Variants in PKIG observed in about 807,000 individuals in gnomAD.
PKIG encodes the protein cAMP-dependent protein kinase inhibitor gamma, also known as protein kinase (cAMP-dependent, catalytic) inhibitor gamma.
Under a neutral mutation model 6.8 loss-of-function variants are expected in PKIG, and 1 was observed. The ratio of observed to expected loss-of-function variants is 0.15; its 90% CI spans 0.05 to 0.69. The LOEUF (loss-of-function observed/expected upper bound fraction) is 0.69. Ranked by LOEUF, PKIG falls within the 30% of genes least tolerant of loss-of-function variation. The pLI is 0.82. For synonymous variants in PKIG, 39 were observed against 43.0 expected, an observed-to-expected ratio of 0.91 and a Z score of 0.36; for missense variants, 77 against 104.0, an observed-to-expected ratio of 0.74 and a Z score of 1.13.
chr20:44,585,989 G>A (rs2064987302), intron 1 of PKIG, among the ~76,000 whole-genome samples: 1 of 152,160 alleles, frequency 6.6e-6, no homozygotes. Flanking sequence ...ATTGGAAAGA[G>A]ATAGCAGGTG....
At position 44,534,225 on chromosome 20, in the gene PKIG, T is replaced by C. The variant is rs2064492918; in HGVS notation, c.-241+2247T>C. ...CACAGGATATGAAAGGGAGAATTGA[T>C]AGTATAACTTTCCTGAGAAGGTGGG... On this transcript the variant is annotated intron_variant, in intron 1 of 4. Transcript: ENST00000372887. Among the ~76,000 whole-genome samples the C allele has an allele frequency of 2.0e-5, 3 of 152,228 alleles. No homozygotes were observed. The South Asian group carries it at 6.2e-4, about 32-fold the overall frequency.
At chr20:44,567,358 G>A (rs74686379) in intron 1 of PKIG, among the ~76,000 whole-genome samples, 2,877 of 152,276 alleles carry the variant, frequency 0.019, 89 homozygotes, top group African/African-American at 0.066. Context: ...CTTGAAGGAG[G>A]GCTCTCCTGG....
At chr20:44,559,880 T>C (rs1169768167) in intron 1 of PKIG, among the ~76,000 whole-genome samples, 3 of 152,132 alleles carry the variant, frequency 2.0e-5, no homozygotes, top group Non-Finnish European at 2.9e-5. Context: ...TCAAGAAGAC[T>C]GTGCTGGATC....
chr20:44,559,176 TC>T (rs1250946133), intron 1 of PKIG, among the ~76,000 whole-genome samples: 4 of 152,188 alleles, frequency 2.6e-5, no homozygotes, highest in African/African-American at 9.7e-5. Context: ...TTCTCCCCTT[TC>T]CCCTAAATCT....
In PKIG at chr20:44,556,191, C is replaced by T. The variant is rs146370061; in HGVS notation, c.-241+24213C>T. On this transcript the variant is annotated intron_variant, in intron 1 of 4. Transcript: ENST00000372887. ...GCTTTATTACTCTGAACAACTACAT[C>T]ATTTATTACCTAAAATAATCTTTTT... 9.6e-3 allele frequency among the ~76,000 whole-genome samples: 1,461 copies of T among 152,256 alleles called. 20 individuals are homozygous for T. The highest frequency in any genetic ancestry group is 0.034 in the African/African-American group (1,400 of 41,554).
chr20:44,592,197 A>T (rs1304047996), intron 2 of PKIG, among the ~76,000 whole-genome samples: 1 of 152,196 alleles, frequency 6.6e-6, no homozygotes, highest in African/African-American at 2.4e-5. Context: ...CGAGACTCAA[A>T]GAGGTGGAAC....
At chr20:44,580,330 G>A (rs941454990), upstream of PKIG, among the ~76,000 whole-genome samples, 10 of 151,004 alleles carry the variant, frequency 6.6e-5, no homozygotes, top group Non-Finnish European at 1.5e-4. Flanking sequence ...GTGTTTTTTT[G>A]TTTTGTTTTG....
chr20:44,534,737 A>G (rs1011766204), intron 1 of PKIG, among the ~76,000 whole-genome samples: 3 of 152,148 alleles, frequency 2.0e-5, no homozygotes, highest in African/African-American at 7.2e-5. Context: ...CCAAGATGCT[A>G]GGATTACAGG....
At chr20:44,604,892 G>A (rs2065150637) in intron 2 of PKIG, among the ~76,000 whole-genome samples, 1 of 151,992 alleles carries the variant, frequency 6.6e-6, no homozygotes, top group South Asian at 2.1e-4. Flanking sequence ...CTACATTCAG[G>A]TACCAGATAT....
At position 44,600,613 on chromosome 20, in the gene PKIG, A is replaced by G. The variant is rs541044956; in HGVS notation, c.-24+10747A>G. ...GTAATCCCAGCTCTTTGGGAGGCCAAGGTGGGAGGATTGCTTGAGGCCAGG... is the reference window on the plus strand; with the variant it reads ...GTAATCCCAGCTCTTTGGGAGGCCAGGGTGGGAGGATTGCTTGAGGCCAGG... On this transcript the variant is annotated intron_variant, in intron 2 of 3. Transcript: ENST00000372886. Among the ~76,000 whole-genome samples, 4 of 152,164 alleles carry G rather than the reference A, an allele frequency of 2.6e-5. 1 individual carries two copies. The South Asian group carries it at 8.3e-4, about 32-fold the overall frequency.
At chr20:44,594,454 A>G (rs564945050) in intron 2 of PKIG, among the ~76,000 whole-genome samples, 1 of 152,330 alleles carries the variant, frequency 6.6e-6, no homozygotes, top group East Asian at 1.9e-4. Flanking sequence ...TCAGGTTCCT[A>G]GGAGGAAAGG....
chr20:44,550,072 G>A (rs1336399725), intron 1 of PKIG, among the ~76,000 whole-genome samples: 2 of 149,794 alleles, frequency 1.3e-5, no homozygotes, highest in Non-Finnish European at 3.0e-5. Flanking sequence ...AGTTTTTTAT[G>A]TATTGAATCT....
In PKIG at chr20:44,552,064, G is replaced by A. The variant is rs972473725; in HGVS notation, c.-241+20086G>A. Among the ~76,000 whole-genome samples the A allele has an allele frequency of 1.4e-4, 21 of 152,324 alleles. No homozygotes were observed. The Middle Eastern group carries it at 0.014, about 99-fold the overall frequency. ...TCAGGGCCAACACAATGTAGAATCT[G>A]TTTCTTCTAGCTTTATTTCTCCCTG... On this transcript the variant is annotated intron_variant, in intron 1 of 4. Coordinates refer to the PKIG transcript ENST00000372887.
At chr20:44,596,541 G>A (rs753890674) in intron 2 of PKIG, among the ~76,000 whole-genome samples, 1 of 152,192 alleles carries the variant, frequency 6.6e-6, no homozygotes, top group Non-Finnish European at 1.5e-5. Context: ...AGTAGTGATG[G>A]TCCCTGGCTT....
intron 2 of PKIG, among the ~76,000 whole-genome samples, chr20:44,610,428 C>CT (rs954351304): frequency 7.2e-5 from 11 of 151,756 alleles, no homozygotes; most frequent in Admixed American, 1.3e-4. Context: ...GTGGGCCTTG[C>CT]CCTCCATACT....
At chr20:44,576,001 C>G (rs1407008117) in intron 1 of PKIG, among the ~76,000 whole-genome samples, 7 of 152,194 alleles carry the variant, frequency 4.6e-5, no homozygotes, top group Non-Finnish European at 1.0e-4. Flanking sequence ...TGTCATACCT[C>G]TCTGAACTTT....
At position 44,565,924 on chromosome 20, in the gene PKIG, G is replaced by A. The variant is rs1479832048; in HGVS notation, c.-240-16661G>A. 3.3e-5 allele frequency among the ~76,000 whole-genome samples: 5 copies of A among 152,106 alleles called. No homozygotes were observed. The South Asian group carries it at 1.0e-3, about 32-fold the overall frequency. ...ATTATAGGCACCCGCCTTCATGCTC[G>A]GCTAATTTTTGTATTTTTGTAGAGA... is the stretch of plus-strand genomic sequence containing the variant. On this transcript the variant is annotated intron_variant, in intron 1 of 4. Coordinates refer to the PKIG transcript ENST00000372887.
At position 44,614,323 on chromosome 20, in the gene PKIG, T is replaced by G. The variant is rs1257158559; in HGVS notation, c.-23-211T>G. The stretch of plus-strand genomic sequence containing the variant: ...TTATTTAAAGAAAAGTCTGAGCCCA[T>G]GTTCTTTAAAATGTTGATGGTGGTT... On this transcript the variant is annotated intron_variant, in intron 2 of 3. Coordinates refer to ENST00000372886, the MANE Select transcript of PKIG (RefSeq NM_001281445.2). The surrounding 1 kb of genome is among the most constrained non-coding windows in gnomAD (Gnocchi z 4.6). 10 of 477,786 alleles carry G rather than the reference T, an allele frequency of 2.1e-5. No homozygotes were observed. The highest frequency in any genetic ancestry group is 2.9e-5 in the South Asian group (1 of 34,390). The allele number at this position is 477,786 out of a possible 1,614,324, so 29.6% of individuals were successfully genotyped here.
intron 1 of PKIG, among the ~76,000 whole-genome samples, chr20:44,589,337 T>TA (rs1413881287): frequency 1.3e-5 from 2 of 152,116 alleles, no homozygotes; most frequent in Non-Finnish European, 2.9e-5. Context: ...CCTGGTCTCT[T>TA]AAAATTAAAA....
Sources: gnomAD v4.1 joint callset for allele counts (sites outside exome capture counted in the v4.1 genomes callset) on GRCh38, gnomAD v4.1.1 for gene constraint, Gnocchi (gnomAD v3.1) non-coding constraint, MANE v1.5 for transcripts, NCBI Gene and HGNC (gene_info 2026-07-23, HGNC 2026-07-21) for gene names.